GSR: variants seen among roughly 807,000 people sequenced by gnomAD.
GSR encodes the protein glutathione reductase, mitochondrial.
Under a neutral mutation model 56.5 loss-of-function variants are expected in GSR, and 48 were observed. The observed-to-expected ratio is 0.85, with a 90% CI of 0.67 to 1.08. GSR has a LOEUF of 1.08. GSR is among the 50% of genes least tolerant of loss of function. GSR has a pLI of 0.00. For synonymous variants in GSR, 264 were observed against 270.8 expected, an observed-to-expected ratio of 0.97 and a Z score of 0.25; for missense variants, 694 against 703.3, an observed-to-expected ratio of 0.99 and a Z score of 0.15.
intron 10 of GSR, among the ~76,000 whole-genome samples, 180 bp from the exon 11 acceptor site, chr8:30,682,241 C>T (rs1202469763): frequency 2.0e-5 from 3 of 152,140 alleles, no homozygotes; most frequent in African/African-American, 2.4e-5. Context: ...CAGCGAACAA[C>T]TCAAAATGAT....
intron 1 of GSR, among the ~76,000 whole-genome samples, chr8:30,722,157 T>A (rs1428487237): frequency 6.6e-6 from 1 of 152,158 alleles, no homozygotes; most frequent in Non-Finnish European, 1.5e-5. Flanking sequence ...AAAGCAACAG[T>A]ATATGAAGAC....
At chr8:30,700,750 A>AAAAAAAAAAAAAAAAC in intron 5 of GSR, among the ~76,000 whole-genome samples, 1 of 139,886 alleles carries the variant, frequency 7.1e-6, no homozygotes, top group African/African-American at 2.7e-5. Flanking sequence ...AAAAAAAAAA[A>AAAAAAAAAAAAAAAAC]TCGACGTGGC....
chr8:30,698,230 AT>A (rs1208208318), intron 6 of GSR, among the ~76,000 whole-genome samples: 1 of 152,228 alleles, frequency 6.6e-6, no homozygotes. Flanking sequence ...TCACGTATCA[AT>A]CGTAAATTCA....
chr8:30,727,695 C>T lies in GSR; in HGVS notation c.141G>A (p.Arg47=), dbSNP rs1163297512. Residue 47 remains arginine, a synonymous_variant, in exon 1 of 13, where the codon AGG becomes AGA. Coordinates refer to ENST00000221130, the MANE Select transcript of GSR (RefSeq NM_000637.5). ...TRALSRAMAC[R]QEPQPQGPPP... is the part of the protein sequence containing the mutation. ...GCGGGCCCTGCGGCTGCGGCTCCTG[C>T]CTGCAGGCCATGGCACGGGAGAGGG... The T allele has an allele frequency of 2.1e-6, 3 of 1,434,494 alleles. No individual in the cohort carries two copies. Among genetic ancestry groups the T allele is most frequent in the Middle Eastern group, 4.7e-4 (2 of 4,260 alleles). 88.9% of individuals were successfully genotyped at this position (1,434,494 alleles called of 1,614,324 possible).
At chr8:30,714,135 C>T (rs1804247798) in intron 1 of GSR, among the ~76,000 whole-genome samples, 1 of 149,244 alleles carries the variant, frequency 6.7e-6, no homozygotes, top group Non-Finnish European at 1.5e-5. Flanking sequence ...CACAGTTTGG[C>T]TATACTCCAA....
chr8:30,711,987 G>GA, intron 2 of GSR, 75 bp downstream of exon 2: 1 of 870,548 alleles, frequency 1.1e-6, no homozygotes, highest in Non-Finnish European at 1.9e-6. Context: ...GATCTATTTG[G>GA]AAACATTCTG....
chr8:30,683,749 G>A (rs1430841085), intron 10 of GSR, among the ~76,000 whole-genome samples: 4 of 65,500 alleles, frequency 6.1e-5, no homozygotes, highest in African/African-American at 2.7e-4. Flanking sequence ...GTAACAGAGT[G>A]TCTCCAAAAA....
At chr8:30,710,206 C>T (rs1804081525) in intron 2 of GSR, among the ~76,000 whole-genome samples, 1 of 151,932 alleles carries the variant, frequency 6.6e-6, no homozygotes, top group African/African-American at 2.4e-5. Flanking sequence ...GTCCCAGCTA[C>T]TTGGGAAGCT....
At chr8:30,698,214 G>C (rs1052606647) in intron 6 of GSR, among the ~76,000 whole-genome samples, 11 of 152,152 alleles carry the variant, frequency 7.2e-5, no homozygotes, top group Non-Finnish European at 1.0e-4. Context: ...AAGTAGACTT[G>C]AAGAATCACG....
chr8:30,717,380 C>T (rs1454342552), intron 1 of GSR, among the ~76,000 whole-genome samples: 1 of 152,210 alleles, frequency 6.6e-6, no homozygotes, highest in African/African-American at 2.4e-5. Context: ...AGCCACCGCA[C>T]TCAGCCTTCT....
chr8:30,703,352 G>T, intron 4 of GSR, 112 bp from the exon 5 acceptor site: 1 of 1,018,908 alleles, frequency 9.8e-7, no homozygotes, highest in Non-Finnish European at 1.5e-6. Context: ...TTGGTTTGCT[G>T]ATGCCAACAC....
intron 5 of GSR, 110 bp from the exon 6 acceptor site, chr8:30,700,245 G>T (rs879031351): frequency 6.3e-6 from 5 of 795,030 alleles, no homozygotes; most frequent in South Asian, 5.6e-5. Context: ...CATAGTCTCC[G>T]TTTTGACAAG....
chr8:30,700,113 G>C lies in GSR; in HGVS notation c.663C>G (p.Ser221Arg). 3.7e-6 allele frequency: 6 copies of C among 1,613,002 alleles called. 1 individual carries two copies. The South Asian group carries it at 5.5e-5, about 15-fold the overall frequency. ...ATTCTTCCAGCTGAAAAAATCCATCGCTGGTTATTCCTAAGCTGGCACCTA... is the reference window on the plus strand; with the variant it reads ...ATTCTTCCAGCTGAAAAAATCCATCCCTGGTTATTCCTAAGCTGGCACCTA... Reference protein sequence around the residue: ...QIPGASLGITSDGFFQLEELP... With the variant: ...QIPGASLGITRDGFFQLEELP... The change falls in exon 6 of 13, where the codon AGC becomes AGG. Residue 221 changes from serine (S) to arginine (R), a missense_variant. Physicochemically the swap from Ser to Arg is moderately radical, Grantham distance 110. Transcript: ENST00000221130.
chr8:30,716,588 G>A (rs900382420), intron 1 of GSR, among the ~76,000 whole-genome samples: 1 of 151,628 alleles, frequency 6.6e-6, no homozygotes, highest in Non-Finnish European at 1.5e-5. Flanking sequence ...CAGGTGGATC[G>A]CTTGAGGCCA....
rs750513520 is a variant in GSR at position 30,709,808 on chromosome 8, A to G, written c.422+6T>C. 14 of 1,496,174 alleles carry G rather than the reference A, an allele frequency of 9.4e-6. No homozygotes were observed. The African/African-American group carries it at 1.9e-4, about 21-fold the overall frequency. The allele number at this position is 1,496,174 out of a possible 1,614,324, so 92.7% of individuals were successfully genotyped here. On this transcript the variant is annotated splice_donor_region_variant and intron_variant, in intron 3 of 12. Transcript: ENST00000221130. ...GAAACTGAACCCTCTGAGTGTTGAC[A>G]CTTACCGCCAATTGAATTTACCCTC...
chr8:30,704,439 C>T (rs544165743), intron 4 of GSR, among the ~76,000 whole-genome samples: 6 of 152,254 alleles, frequency 3.9e-5, no homozygotes, highest in South Asian at 2.1e-4. Flanking sequence ...GGGAGGGAAA[C>T]GCAATGCTTG....
chr8:30,717,101 G>A (rs1160666146), intron 1 of GSR, among the ~76,000 whole-genome samples: 1 of 152,036 alleles, frequency 6.6e-6, no homozygotes, highest in East Asian at 1.9e-4. Context: ...GCTGGGCGTG[G>A]TAGCACATGC....
chr8:30,703,980 C>T (rs1803837358), intron 4 of GSR, among the ~76,000 whole-genome samples: 1 of 151,996 alleles, frequency 6.6e-6, no homozygotes, highest in Non-Finnish European at 1.5e-5. Context: ...ATCTTTGCCC[C>T]CAAGAATTGA....
Position 30,678,714 on chromosome 8 carries a change from T to G in GSR, c.*806A>C, listed in dbSNP as rs1802831906. The G allele has an allele frequency of 6.6e-6, 1 of 152,138 alleles. No individual in the cohort carries two copies. Among genetic ancestry groups the G allele is most frequent in the African/African-American group, 2.4e-5 (1 of 41,434 alleles). 9.4% of individuals were successfully genotyped at this position (152,138 alleles called of 1,614,324 possible). On this transcript the variant is annotated 3_prime_UTR_variant, in exon 13 of 13. Transcript: ENST00000221130. ...AAAAAAGAAAATAAGGCAGGCCGGC[T>G]TCTCACATTACATGCTTTTAGAAAA...
Sources: gnomAD v4.1 joint callset for allele counts (sites outside exome capture counted in the v4.1 genomes callset) on GRCh38, gnomAD v4.1.1 for gene constraint, MANE v1.5 for transcripts, NCBI Gene and HGNC (gene_info 2026-07-23, HGNC 2026-07-21) for gene names.